Variants in KIF26B observed in about 807,000 individuals in gnomAD.
The protein encoded by KIF26B is kinesin family member 26B, also known as kinesin-like protein KIF26B.
KIF26B carries 63 observed loss-of-function variants against 151.2 expected under a neutral mutation model. The observed-to-expected ratio is 0.42, with a 90% CI of 0.34 to 0.51. KIF26B has a LOEUF of 0.51. KIF26B is among the 20% of genes least tolerant of loss of function. KIF26B has a pLI of 0.07. For synonymous variants in KIF26B, 1,357 were observed against 1,262.1 expected, an observed-to-expected ratio of 1.08 and a Z score of -1.59; for missense variants, 2,813 against 2,913.6, an observed-to-expected ratio of 0.97 and a Z score of 0.79.
rs7546471 is a variant in KIF26B, at chr1:245,608,187, C to T, written c.1651+443C>T. Reference sequence around the variant, plus strand: ...GAGCCCAGGGCGCGTCTGGAGAAAGCAGTGCACACCGTCGGGAACACTCCA... The same window carrying T: ...GAGCCCAGGGCGCGTCTGGAGAAAGTAGTGCACACCGTCGGGAACACTCCA... On this transcript the variant is annotated intron_variant, in intron 7 of 14. Transcript: ENST00000407071. Among the ~76,000 whole-genome samples the T allele has an allele frequency of 7.9e-3, 1,201 of 152,296 alleles. 17 individuals are homozygous for T. The highest frequency in any genetic ancestry group is 0.027 in the African/African-American group (1,121 of 41,560).
chr1:245,156,091 G>A (rs552363736), intron 1 of KIF26B, among the ~76,000 whole-genome samples, 191 bp from the exon 2 acceptor site: 1 of 152,314 alleles, frequency 6.6e-6, no homozygotes, highest in African/African-American at 2.4e-5. Context: ...GGTCACCTGG[G>A]CGGTGGGGAC....
intron 9 of KIF26B, among the ~76,000 whole-genome samples, chr1:245,643,282 T>C (rs2043912627): frequency 6.6e-6 from 1 of 152,096 alleles, no homozygotes; most frequent in African/African-American, 2.4e-5. Context: ...CTGATCTTTG[T>C]TCTCTCTCTC....
intron 2 of KIF26B, among the ~76,000 whole-genome samples, chr1:245,357,692 A>T (rs1250600319): frequency 1.3e-5 from 2 of 152,268 alleles, no homozygotes; most frequent in East Asian, 3.9e-4. Flanking sequence ...GGGAGTTATC[A>T]TCAGGGCAGG....
At chr1:245,402,064 A>T (rs1216966275) in intron 3 of KIF26B, among the ~76,000 whole-genome samples, 1 of 152,180 alleles carries the variant, frequency 6.6e-6, no homozygotes, top group Admixed American at 6.5e-5. Context: ...CCTAGGCCTC[A>T]TGGGACTGCA....
Position 245,512,913 on chromosome 1 carries a change from C to T in KIF26B, c.1167-27854C>T, listed in dbSNP as rs1660866516. Among the ~76,000 whole-genome samples the T allele has an allele frequency of 6.6e-6, 1 of 152,046 alleles. No individual in the cohort carries two copies. The highest frequency in any genetic ancestry group is 2.4e-5 in the African/African-American group (1 of 41,420). The stretch of plus-strand genomic sequence containing the variant: ...ATCATTAAAAAACAATGACTAAAAA[C>T]AGAATAATTTTCTTACCCAAATTCC... On this transcript the variant is annotated intron_variant, in intron 4 of 14. Coordinates refer to ENST00000407071, the MANE Select transcript of KIF26B (RefSeq NM_018012.4). This position sits in a 1 kb window ranked among gnomAD's most constrained non-coding sequence, Gnocchi z 4.3.
chr1:245,325,104 A>G lies in KIF26B; in HGVS notation c.466-41730A>G, dbSNP rs1028992928. Among the ~76,000 whole-genome samples, 2 of 134,970 alleles carry G rather than the reference A, an allele frequency of 1.5e-5. 1 individual carries two copies. The highest frequency in any genetic ancestry group is 3.9e-4 in the East Asian group (2 of 5,094). 88.5% of individuals were successfully genotyped at this position (134,970 alleles called of 152,430 possible). A position where few individuals can be genotyped will look rare whatever the true frequency, so the allele number is the denominator to read the frequency against. ...AGCCAGACCTTGTCTCAAAAAAAAA[A>G]AAAAAAAGAAAAAAAGAAAAAAGAA... On this transcript the variant is annotated intron_variant, in intron 2 of 14. Transcript: ENST00000407071.
At position 245,419,644 on chromosome 1, in the gene KIF26B, T is replaced by C. The variant is rs776309363; in HGVS notation, c.1065T>C (p.Asn355=). The C allele has an allele frequency of 3.1e-6, 5 of 1,613,970 alleles. No homozygotes were observed. Among genetic ancestry groups the C allele is most frequent in the South Asian group, 2.2e-5 (2 of 91,072 alleles). The part of the protein sequence containing the change: ...GLTEAVLNRY[N]ADKPSACSVP... ...CAGAAGCAGTGCTGAACCGCTACAA[T>C]GCAGACAAGCCTTCCGCCTGCAGTG... The change falls in exon 4 of 15, where the codon AAT becomes AAC. Residue 355 remains asparagine (N), a synonymous_variant. Coordinates refer to ENST00000407071, the MANE Select transcript of KIF26B (RefSeq NM_018012.4).
At chr1:245,534,896 C>T (rs1661455612) in intron 4 of KIF26B, among the ~76,000 whole-genome samples, 1 of 152,010 alleles carries the variant, frequency 6.6e-6, no homozygotes, top group African/African-American at 2.4e-5. Context: ...GATTCTCCCA[C>T]CTCAGCCACC....
intron 5 of KIF26B, among the ~76,000 whole-genome samples, chr1:245,598,794 A>C (rs2043360756): frequency 6.6e-6 from 1 of 152,150 alleles, no homozygotes; most frequent in Non-Finnish European, 1.5e-5. Flanking sequence ...GTCCCAATCC[A>C]TCCGTGGAAT....
At chr1:245,509,761 G>A (rs1660793465) in intron 4 of KIF26B, among the ~76,000 whole-genome samples, 1 of 152,226 alleles carries the variant, frequency 6.6e-6, no homozygotes, top group Non-Finnish European at 1.5e-5. Context: ...GAGGGTTGGA[G>A]AGACCACTCA....
intron 2 of KIF26B, among the ~76,000 whole-genome samples, chr1:245,228,257 C>G (rs1389947718): frequency 6.6e-6 from 1 of 152,222 alleles, no homozygotes; most frequent in African/African-American, 2.4e-5. Context: ...ATTTCCATAA[C>G]TAGCACCACC....
chr1:245,287,770 T>G (rs914881750), intron 2 of KIF26B, among the ~76,000 whole-genome samples: 1 of 152,180 alleles, frequency 6.6e-6, no homozygotes, highest in Non-Finnish European at 1.5e-5. Context: ...CCCAAAGTGC[T>G]GGGATTACAG....
intron 5 of KIF26B, among the ~76,000 whole-genome samples, chr1:245,556,225 T>G (rs1662021859): frequency 6.8e-6 from 1 of 146,952 alleles, no homozygotes; most frequent in Non-Finnish European, 1.5e-5. Flanking sequence ...CTCCTCCTCC[T>G]CTTCTTCTTC....
intron 4 of KIF26B, among the ~76,000 whole-genome samples, chr1:245,511,975 G>C (rs369715456): frequency 1.3e-5 from 2 of 150,108 alleles, no homozygotes; most frequent in African/African-American, 4.9e-5. Flanking sequence ...ATTTTGTGTA[G>C]GAAGAGTAAC....
At chr1:245,386,929 T>G (rs1432954979) in intron 3 of KIF26B, among the ~76,000 whole-genome samples, 3 of 152,122 alleles carry the variant, frequency 2.0e-5, no homozygotes, top group Non-Finnish European at 4.4e-5. Flanking sequence ...AGTGCAGTGT[T>G]TGGTGACGCA....
intron 2 of KIF26B, among the ~76,000 whole-genome samples, chr1:245,174,257 A>T (rs1668764064): frequency 6.6e-6 from 1 of 152,106 alleles, no homozygotes; most frequent in African/African-American, 2.4e-5. Context: ...ACACCACCTT[A>T]TATTTATATG....
intron 4 of KIF26B, among the ~76,000 whole-genome samples, chr1:245,477,528 G>C (rs1263598778): frequency 6.6e-6 from 1 of 151,860 alleles, no homozygotes; most frequent in East Asian, 1.9e-4. Context: ...AGGTAGCGCA[G>C]GTACGGAAGT....
chr1:245,172,763 T>C (rs1220478498), intron 2 of KIF26B, among the ~76,000 whole-genome samples: 1 of 152,104 alleles, frequency 6.6e-6, no homozygotes, highest in Non-Finnish European at 1.5e-5. Context: ...GGAGCCGATA[T>C]TGCATCACTG....
At chr1:245,614,173 G>GT (rs997694818) in intron 9 of KIF26B, among the ~76,000 whole-genome samples, 1 of 151,998 alleles carries the variant, frequency 6.6e-6, no homozygotes, top group African/African-American at 2.4e-5. Flanking sequence ...TGCTCCTTTA[G>GT]TTTTTTTGTT....
Sources: gnomAD v4.1 joint callset for allele counts (sites outside exome capture counted in the v4.1 genomes callset) on GRCh38, gnomAD v4.1.1 for gene constraint, Gnocchi (gnomAD v3.1) non-coding constraint, MANE v1.5 for transcripts, NCBI Gene and HGNC (gene_info 2026-07-23, HGNC 2026-07-21) for gene names.